APC: variants seen among roughly 807,000 people sequenced by gnomAD.
The protein encoded by APC is adenomatous polyposis coli protein.
Under a neutral mutation model 247.0 loss-of-function variants are expected in APC, and 72 were observed. The ratio of observed to expected loss-of-function variants is 0.29; its 90% CI spans 0.24 to 0.35. The LOEUF (loss-of-function observed/expected upper bound fraction) is 0.35. Among genes scored for constraint, APC ranks in the 10% least tolerant of loss-of-function variants. The probability of loss-of-function intolerance (pLI) is 1.00; values close to 1 mark genes in which losing one functional copy is unlikely to be tolerated. For missense variants in APC, 3,400 were observed against 3,360.7 expected (o/e 1.01, Z -0.29); for synonymous variants, 1,254 against 1,162.5 (o/e 1.08, Z -1.60).
At position 112,776,659 on chromosome 5, in the gene APC, G is replaced by A. The variant is rs13356387; in HGVS notation, c.531+922G>A. ...TCGAGACCAGCCTGGTCAACATGGT[G>A]AAACTCTGTCTCTACTAAAGTAAAT... On this transcript the variant is annotated intron_variant, in intron 5 of 15. Coordinates refer to ENST00000257430, the MANE Select transcript of APC (RefSeq NM_000038.6). 4.4e-3 allele frequency among the ~76,000 whole-genome samples: 663 copies of A among 152,166 alleles called. 4 individuals carry two copies. Among genetic ancestry groups the A allele is most frequent in the African/African-American group, 0.015 (624 of 41,546 alleles).
In APC at chr5:112,819,081, C is replaced by G. The variant is rs2149780428; in HGVS notation, c.1049C>G (p.Ser350Cys). The change falls in exon 10 of 16, where the codon TCT becomes TGT. Residue 350 changes from serine to cysteine, a missense_variant. Ser to Cys is a moderately radical substitution (Grantham distance 112, BLOSUM62 -1). Around this residue, in one of 9 missense-constraint regions of APC, gnomAD observed 199 missense variants for 212.5 expected, o/e 0.94. Transcript: ENST00000257430. ...SQDSCISMRQSGCLPLLIQLL... is the reference protein window; with the variant it reads ...SQDSCISMRQCGCLPLLIQLL... ...GACAGCTGTATATCCATGCGACAGT[C>G]TGGATGTCTTCCTCTCCTCATCCAG... 6.2e-7 allele frequency: 1 copy of G among 1,614,114 alleles called. No individual in the cohort carries two copies. Among genetic ancestry groups the G allele is most frequent in the East Asian group, 2.2e-5 (1 of 44,878 alleles).
intron 3 of APC, 83 bp from the exon 4 acceptor site, chr5:112,767,106 C>T (rs1476484954): frequency 8.5e-7 from 1 of 1,173,000 alleles, no homozygotes; most frequent in Non-Finnish European, 1.2e-6. Context: ...CCTAATATTT[C>T]ACTTTAAAAT....
At chr5:112,832,931 A>G (rs529047657) in intron 14 of APC, among the ~76,000 whole-genome samples, 86 of 152,310 alleles carry the variant, frequency 5.6e-4, no homozygotes, top group African/African-American at 1.9e-3. Context: ...TCTCATTGCA[A>G]TAGGCACAGA....
chr5:112,805,564 T>G (rs938401752), intron 8 of APC, among the ~76,000 whole-genome samples: 1 of 152,214 alleles, frequency 6.6e-6, no homozygotes, highest in Non-Finnish European at 1.5e-5. Context: ...TAAAACAATA[T>G]TGCAGCTATT....
rs748389037 is a variant in APC at position 112,841,209 on chromosome 5, T to G, written c.5615T>G (p.Val1872Gly). The G allele has an allele frequency of 6.2e-7, 1 of 1,613,990 alleles. No individual in the cohort carries two copies. The change falls in exon 16 of 16, where the codon GTT (valine) becomes GGT (glycine). Residue 1872 changes from valine to glycine, a missense_variant. Physicochemically the swap from Val to Gly is moderately radical, Grantham distance 109 (BLOSUM62 -3). This residue lies in a region of APC where 1,788 missense variants were observed against 1,649.5 expected (regional missense o/e 1.08). Coordinates refer to ENST00000257430, the MANE Select transcript of APC (RefSeq NM_000038.6). The surrounding 1 kb of genome is among the most constrained non-coding windows in gnomAD (Gnocchi z 4.6). The part of the protein sequence containing the change: ...LSSLDFDDDD[V>G]DLSREKAELR... Reference sequence around the variant, plus strand: ...TCTCTAGATTTTGATGATGATGATGTTGACCTTTCCAGGGAAAAGGCTGAA... The same window carrying G: ...TCTCTAGATTTTGATGATGATGATGGTGACCTTTCCAGGGAAAAGGCTGAA...
In APC at chr5:112,844,440, T is replaced by C; in HGVS notation, c.*314T>C. 1 of 317,606 alleles carries C rather than the reference T, an allele frequency of 3.1e-6. No individual in the cohort carries two copies. Among genetic ancestry groups the C allele is most frequent in the Non-Finnish European group, 5.8e-6 (1 of 172,734 alleles). 19.7% of individuals were successfully genotyped at this position (317,606 alleles called of 1,614,324 possible). On this transcript the variant is annotated 3_prime_UTR_variant, in exon 16 of 16. Coordinates refer to ENST00000257430, the MANE Select transcript of APC (RefSeq NM_000038.6). Reference sequence around the variant, plus strand: ...TTGCTTGTCTTAAAATAATGAACACTACAGATAGAAAATATGATATATTGC... The same window carrying C: ...TTGCTTGTCTTAAAATAATGAACACCACAGATAGAAAATATGATATATTGC...
At chr5:112,712,679 T>C (rs1750925979) in intron 1 of APC, among the ~76,000 whole-genome samples, 1 of 151,926 alleles carries the variant, frequency 6.6e-6, no homozygotes, top group South Asian at 2.1e-4. Flanking sequence ...CATGAGCCAC[T>C]GCACCCAGCA....
chr5:112,776,868 A>AT (rs1052301790), intron 5 of APC, among the ~76,000 whole-genome samples: 5 of 152,074 alleles, frequency 3.3e-5, no homozygotes, highest in South Asian at 2.1e-4. Flanking sequence ...AAAATAAAAA[A>AT]AAAAATAAAT....
intron 2 of APC, among the ~76,000 whole-genome samples, chr5:112,764,744 A>T (rs934319491): frequency 6.6e-6 from 1 of 152,190 alleles, no homozygotes. Context: ...TAAGGATAAG[A>T]TTAAAAAAGG....
chr5:112,795,613 T>A (rs1760136605), intron 7 of APC, among the ~76,000 whole-genome samples: 1 of 152,170 alleles, frequency 6.6e-6, no homozygotes, highest in South Asian at 2.1e-4. Context: ...ATTCCAAGGG[T>A]ATTTGAAGCT....
At chr5:112,732,520 T>C (rs1752149301) in intron 1 of APC, among the ~76,000 whole-genome samples, 1 of 152,240 alleles carries the variant, frequency 6.6e-6, no homozygotes, top group African/African-American at 2.4e-5. Context: ...TACAATAATA[T>C]TATTTAACAA....
At chr5:112,827,297 T>C (rs976292005) in intron 12 of APC, 50 bp downstream of exon 12, 25 of 1,591,860 alleles carry the variant, frequency 1.6e-5, no homozygotes, top group African/African-American at 2.7e-5. Flanking sequence ...TATGAGTTAA[T>C]TTACTTTCAT....
intron 1 of APC, among the ~76,000 whole-genome samples, chr5:112,709,481 C>T (rs1444921494): frequency 6.6e-6 from 1 of 152,198 alleles, no homozygotes; most frequent in East Asian, 1.9e-4. Flanking sequence ...TCTGAATTCT[C>T]TGCATACAGT....
intron 8 of APC, among the ~76,000 whole-genome samples, chr5:112,813,481 A>G (rs577774815): frequency 6.6e-6 from 1 of 152,194 alleles, no homozygotes. Flanking sequence ...AAATCTCTGT[A>G]TGAGCCCTTA....
intron 1 of APC, among the ~76,000 whole-genome samples, chr5:112,708,690 C>T (rs139982263): frequency 6.6e-6 from 1 of 152,218 alleles, no homozygotes; most frequent in Non-Finnish European, 1.5e-5. Context: ...CCATGTTGTA[C>T]AAGCCCTTTG....
At chr5:112,778,241 G>A (rs751390732) in intron 5 of APC, 2 of 162,842 alleles carry the variant, frequency 1.2e-5, no homozygotes, top group Non-Finnish European at 2.7e-5. Flanking sequence ...AGCTGCTCTG[G>A]GTTATAGGTC....
chr5:112,742,941 G>C (rs907212904), intron 1 of APC, among the ~76,000 whole-genome samples: 1 of 152,158 alleles, frequency 6.6e-6, no homozygotes, highest in African/African-American at 2.4e-5. Flanking sequence ...TATTGCTGTT[G>C]TAACAAATTA....
chr5:112,744,807 T>C (rs1026268466), intron 1 of APC, among the ~76,000 whole-genome samples: 1 of 152,210 alleles, frequency 6.6e-6, no homozygotes, highest in African/African-American at 2.4e-5. Context: ...TTATCAGATA[T>C]AATAGATTGT....
intron 2 of APC, among the ~76,000 whole-genome samples, chr5:112,765,766 A>G (rs1412240167): frequency 6.6e-6 from 1 of 152,232 alleles, no homozygotes; most frequent in African/African-American, 2.4e-5. Flanking sequence ...AAGGGATTAC[A>G]TGGGAAAGAA....
Sources: gnomAD v4.1 joint callset for allele counts (sites outside exome capture counted in the v4.1 genomes callset) on GRCh38, gnomAD v4.1.1 for gene constraint, gnomAD v4.1.1 regional missense constraint, Gnocchi (gnomAD v3.1) non-coding constraint, MANE v1.5 for transcripts, NCBI Gene and HGNC (gene_info 2026-07-23, HGNC 2026-07-21) for gene names.